The following AGBL1 variants were observed in gnomAD, a reference collection of about 807,000 sequenced individuals.
AGBL1 encodes cytosolic carboxypeptidase 4.
Under a neutral mutation model 118.9 loss-of-function variants are expected in AGBL1, and 130 were observed. The ratio of observed to expected loss-of-function variants is 1.09; its 90% confidence interval spans 0.95 to 1.26. The LOEUF (loss-of-function observed/expected upper bound fraction) is 1.26, where lower values mean the gene tolerates loss of function less well. Among genes scored for constraint, AGBL1 ranks in the 50% most tolerant of loss-of-function variants. The probability of loss-of-function intolerance (pLI) is 0.00; values close to 1 mark genes in which losing one functional copy is unlikely to be tolerated. For missense variants in AGBL1, 1,584 were observed against 1,298.1 expected (o/e 1.22, Z -3.38); for synonymous variants, 555 against 478.9 (o/e 1.16, Z -2.08).
At position 86,142,073 on chromosome 15, in the gene AGBL1, T is replaced by TAGGC. The variant is rs2076971026; in HGVS notation, c.115+7_115+10dup. On this transcript the variant is annotated splice_region_variant and intron_variant, in intron 2 of 22. Transcript: ENST00000614907. ...CGGAGATCTGCTTTCTGTTGGTGAG[T>TAGGC]AGGCCATGCTCTCATGCTTTCATAT... 2 of 1,549,950 alleles carry TAGGC rather than the reference T, an allele frequency of 1.3e-6. No homozygotes were observed. The highest frequency in any genetic ancestry group is 2.7e-5 in the African/African-American group (2 of 73,048).
chr15:86,878,497 G>C (rs908750339), intron 22 of AGBL1, among the ~76,000 whole-genome samples: 1 of 152,090 alleles, frequency 6.6e-6, no homozygotes, highest in Non-Finnish European at 1.5e-5. Flanking sequence ...TCTTGTTCAT[G>C]GCCCAGTGCG....
chr15:86,816,073 G>A (rs2078853559), intron 22 of AGBL1, among the ~76,000 whole-genome samples: 1 of 152,142 alleles, frequency 6.6e-6, no homozygotes, highest in African/African-American at 2.4e-5. Context: ...AGATAAGGCA[G>A]GAAGATGGAT....
chr15:86,956,594 G>C (rs944151576), intron 23 of AGBL1, among the ~76,000 whole-genome samples: 1 of 152,120 alleles, frequency 6.6e-6, no homozygotes, highest in Non-Finnish European at 1.5e-5. Flanking sequence ...GATCAGATGC[G>C]GTCCATCCAT....
intron 21 of AGBL1, among the ~76,000 whole-genome samples, chr15:86,600,686 C>G (rs561259084): frequency 6.6e-6 from 1 of 152,274 alleles, no homozygotes; most frequent in South Asian, 2.1e-4. Context: ...GAAGCTGAAT[C>G]AGAAAGAATC....
chr15:86,300,513 C>T (rs1303275995), intron 17 of AGBL1, among the ~76,000 whole-genome samples: 1 of 152,172 alleles, frequency 6.6e-6, no homozygotes, highest in Non-Finnish European at 1.5e-5. Context: ...TGAATAGTCA[C>T]AGGCTGATTC....
chr15:86,393,624 G>T (rs532899225), intron 17 of AGBL1, among the ~76,000 whole-genome samples: 1 of 152,266 alleles, frequency 6.6e-6, no homozygotes, highest in African/African-American at 2.4e-5. Flanking sequence ...TAGTAGGAAA[G>T]TTGACCTCCC....
chr15:86,252,841 G>A (rs1033090405), intron 7 of AGBL1, among the ~76,000 whole-genome samples: 9 of 152,184 alleles, frequency 5.9e-5, no homozygotes, highest in Non-Finnish European at 1.2e-4. Context: ...AAGATATCAA[G>A]CCATTTCCAT....
In AGBL1 at chr15:86,993,422, G is replaced by T. The variant is rs7180986; in HGVS notation, c.3323+5334G>T. Among the ~76,000 whole-genome samples the T allele has an allele frequency of 2.9e-3, 436 of 152,266 alleles. 2 individuals carry two copies. Among genetic ancestry groups the T allele is most frequent in the African/African-American group, 9.7e-3 (404 of 41,562 alleles). ...ATATGGAAACCCACAAGTTAACCCAGTTTTCCTAGGGTGTATTATGAATAG... is the reference window on the plus strand; with the variant it reads ...ATATGGAAACCCACAAGTTAACCCATTTTTCCTAGGGTGTATTATGAATAG... On this transcript the variant is annotated intron_variant, in intron 24 of 24. Transcript: ENST00000441037.
intron 22 of AGBL1, among the ~76,000 whole-genome samples, chr15:86,733,567 T>C (rs1596417911): frequency 6.6e-6 from 1 of 152,214 alleles, no homozygotes; most frequent in South Asian, 2.1e-4. Flanking sequence ...GTAACTATAA[T>C]ATAAGCATTA....
chr15:86,159,002 C>G lies in AGBL1; in HGVS notation c.464C>G (p.Thr155Ser). 1.9e-6 allele frequency: 3 copies of G among 1,613,332 alleles called. No individual in the cohort carries two copies. Among genetic ancestry groups the G allele is most frequent in the Non-Finnish European group, 2.5e-6 (3 of 1,179,392 alleles). ...ELLFKVITPYTRKRTQAIRAA... is the reference protein window; with the variant it reads ...ELLFKVITPYSRKRTQAIRAA... ...CTTTTCAAGGTTATTACTCCTTACA[C>G]CCGAAAGCGCACCCAAGCAATCAGG... The change falls in exon 5 of 23, where the codon ACC becomes AGC. Residue 155 changes from threonine to serine, a missense_variant. Coordinates refer to ENST00000614907, the MANE Select transcript of AGBL1 (RefSeq NM_001386094.1).
At chr15:86,799,626 G>A (rs1481590496) in intron 22 of AGBL1, among the ~76,000 whole-genome samples, 1 of 151,948 alleles carries the variant, frequency 6.6e-6, no homozygotes, top group African/African-American at 2.4e-5. Flanking sequence ...AAGGATTCCC[G>A]CATCTCCAGA....
At chr15:86,110,883 C>T (rs978320778) in intron 1 of AGBL1, among the ~76,000 whole-genome samples, 6 of 152,198 alleles carry the variant, frequency 3.9e-5, no homozygotes, top group Non-Finnish European at 7.3e-5. Context: ...CTCCCTTTCT[C>T]CTCCAGCAGA....
At chr15:86,294,346 C>T (rs371650020) in intron 16 of AGBL1, among the ~76,000 whole-genome samples, 15 of 134,434 alleles carry the variant, frequency 1.1e-4, no homozygotes, top group African/African-American at 4.3e-4. Context: ...TTGCAATGAT[C>T]TGAGATTGCG....
At chr15:86,642,616 T>G (rs1332240162) in intron 21 of AGBL1, among the ~76,000 whole-genome samples, 1 of 100,424 alleles carries the variant, frequency 1.0e-5, no homozygotes, top group Non-Finnish European at 2.4e-5. Context: ...AAATTTTTAC[T>G]TATTAAATAA....
chr15:86,391,648 T>TTTG (rs2081288573), intron 17 of AGBL1, among the ~76,000 whole-genome samples: 1 of 140,006 alleles, frequency 7.1e-6, no homozygotes, highest in African/African-American at 2.8e-5. Context: ...TGGTTTTTTT[T>TTTG]TTTTTTTTTT....
At chr15:86,080,562 C>T (rs1040157676) in intron 1 of AGBL1, among the ~76,000 whole-genome samples, 1 of 152,182 alleles carries the variant, frequency 6.6e-6, no homozygotes, top group Non-Finnish European at 1.5e-5. Context: ...TCATGTAGGG[C>T]AGTAGCCTGG....
intron 8 of AGBL1, 114 bp downstream of exon 8, chr15:86,257,132 C>G: frequency 1.7e-6 from 2 of 1,151,274 alleles, no homozygotes; most frequent in East Asian, 5.2e-5. Context: ...CCATAATTGT[C>G]TATTAAGCTA....
intron 5 of AGBL1, among the ~76,000 whole-genome samples, chr15:86,169,226 T>C (rs1221267534): frequency 1.3e-5 from 2 of 152,176 alleles, no homozygotes; most frequent in Non-Finnish European, 2.9e-5. Flanking sequence ...GAAAGAAAGC[T>C]GCACAGAAGG....
chr15:86,247,506 A>G lies in AGBL1; in HGVS notation c.527-165A>G, dbSNP rs137910511. ...GACTGTCCCATTACTGGGGATGTTAACTTTGATCACTTGGTTTAAGGTGAC... is the reference window on the plus strand; with the variant it reads ...GACTGTCCCATTACTGGGGATGTTAGCTTTGATCACTTGGTTTAAGGTGAC... On this transcript the variant is annotated intron_variant, in intron 6 of 22. Transcript: ENST00000614907. Among the ~76,000 whole-genome samples, 31 of 152,348 alleles carry G rather than the reference A, an allele frequency of 2.0e-4. No homozygotes were observed. The East Asian group carries it at 4.0e-3, about 20-fold the overall frequency.
Sources: gnomAD v4.1 joint callset for allele counts (sites outside exome capture counted in the v4.1 genomes callset) on GRCh38, gnomAD v4.1.1 for gene constraint, MANE v1.5 for transcripts, NCBI Gene and HGNC (gene_info 2026-07-23, HGNC 2026-07-21) for gene names.